RABEP2: variants seen among roughly 807,000 people sequenced by gnomAD.
RABEP2 encodes rab GTPase-binding effector protein 2.
A neutral mutation model predicts 74.1 loss-of-function variants in RABEP2; 57 were observed. The ratio of observed to expected loss-of-function variants is 0.77; its 90% CI spans 0.62 to 0.96. The LOEUF is 0.96. Among genes scored for constraint, RABEP2 ranks in the 40% least tolerant of loss-of-function variants. The pLI is 0.00. For synonymous variants in RABEP2, 351 were observed against 344.0 expected (o/e 1.02, Z -0.23); for missense variants, 692 against 756.3 (o/e 0.91, Z 1.00).
chr16:28,914,439 T>C lies in RABEP2; in HGVS notation c.691A>G (p.Ser231Gly). ...AGGGAGAAGGAGGAGATGGAGGCGC[T>C]GTCATCGCAGTTGTGAGCGAAGGCC... is the stretch of plus-strand genomic sequence containing the variant. Reference protein sequence around the residue: ...AEAFAHNCDDSASISSFSLGG... With the variant: ...AEAFAHNCDDGASISSFSLGG... Residue 231 changes from serine (S) to glycine (G), a missense_variant, in exon 5 of 13, where the codon AGC becomes GGC. Physicochemically the swap from Ser to Gly is moderately conservative, Grantham distance 56. Coordinates refer to ENST00000358201, the MANE Select transcript of RABEP2 (RefSeq NM_024816.3). 2 of 1,613,536 alleles carry C rather than the reference T, an allele frequency of 1.2e-6. No individual in the cohort carries two copies. Among genetic ancestry groups the C allele is most frequent in the East Asian group, 2.2e-5 (1 of 44,880 alleles).
rs1038053695 is a variant in RABEP2 at position 28,911,152 on chromosome 16, T to C, written c.922A>G (p.Ser308Gly). ...AGCTCGTCCCGCTCGCGACTGACGC[T>C]CTCCAGGTCCTTCTGCAGCTGTCGG... ...EGRQLQKDLE[S>G]VSRERDELQE... Residue 308 changes from serine (S) to glycine (G), a missense_variant, in exon 6 of 13, where the codon AGC (serine) becomes GGC (glycine). By Grantham distance (56) the Ser-to-Gly change is moderately conservative. Transcript: ENST00000358201. 2 of 1,611,818 alleles carry C rather than the reference T, an allele frequency of 1.2e-6. No individual in the cohort carries two copies. Among genetic ancestry groups the C allele is most frequent in the African/African-American group, 2.7e-5 (2 of 74,912 alleles).
At position 28,914,360 on chromosome 16, in the gene RABEP2, C is replaced by A. The variant is rs1218267368; in HGVS notation, c.770G>T (p.Ser257Ile). Reference protein sequence around the residue: ...SSLPQSRQGLSPEQEETASLV... With the variant: ...SSLPQSRQGLIPEQEETASLV... ...CGAGGCCGTCTCTTCCTGTTCAGGG[C>A]TCAGGCCCTGGCGGCTTTGGGGCAG... The change falls in exon 5 of 13, where the codon AGC becomes ATC. Residue 257 changes from serine (S) to isoleucine (I), a missense_variant. Ser to Ile is a moderately radical substitution (Grantham distance 142). Coordinates refer to ENST00000358201, the MANE Select transcript of RABEP2 (RefSeq NM_024816.3). The A allele has an allele frequency of 3.7e-6, 6 of 1,613,386 alleles. No individual in the cohort carries two copies. Among genetic ancestry groups the A allele is most frequent in the Non-Finnish European group, 5.1e-6 (6 of 1,180,030 alleles).
chr16:28,925,102 C>T lies in RABEP2; in HGVS notation c.61+1G>A, dbSNP rs1309687900. 4 of 1,541,866 alleles carry T rather than the reference C, an allele frequency of 2.6e-6. No individual in the cohort carries two copies. The highest frequency in any genetic ancestry group is 2.5e-5 in the East Asian group (1 of 40,678). On this transcript the variant is annotated splice_donor_variant, in intron 1 of 12. Coordinates refer to ENST00000358201, the MANE Select transcript of RABEP2 (RefSeq NM_024816.3). LOFTEE classifies it high-confidence loss of function. The stretch of plus-strand genomic sequence containing the variant: ...GCTTGCACGGACGCCCCCTCACGTA[C>T]CAGCCCCCGGCCGCCGCCGCCGCTC...
At chr16:28,917,971 A>C (rs1216101526) in intron 3 of RABEP2, 1 of 151,980 alleles carries the variant, frequency 6.6e-6, no homozygotes, top group Non-Finnish European at 1.5e-5. Flanking sequence ...TATCTATCTC[A>C]CAGGTCTGCT....
Position 28,914,800 on chromosome 16 carries a change from T to G in RABEP2, c.433-18A>C. On this transcript the variant is annotated intron_variant, in intron 3 of 12. Coordinates refer to ENST00000358201, the MANE Select transcript of RABEP2 (RefSeq NM_024816.3). ...TCGTGGGCCTGGAGGGAGCGGGGTG[T>G]GGCAGCAATAGTTCCCCCTCCAAAG... The G allele has an allele frequency of 6.2e-7, 1 of 1,610,128 alleles. No homozygotes were observed. Among genetic ancestry groups the G allele is most frequent in the Non-Finnish European group, 8.5e-7 (1 of 1,176,872 alleles).
intron 3 of RABEP2, among the ~76,000 whole-genome samples, chr16:28,919,218 C>T (rs1467455556): frequency 6.6e-6 from 1 of 152,142 alleles, no homozygotes; most frequent in South Asian, 2.1e-4. Context: ...TGCAGTGGCA[C>T]GATCTTAGCT....
intron 3 of RABEP2, 57 bp from the exon 4 acceptor site, chr16:28,914,839 G>C: frequency 6.7e-7 from 1 of 1,485,272 alleles, no homozygotes; most frequent in East Asian, 2.3e-5. Flanking sequence ...TGAAGCCCCG[G>C]GTCTGTTCAG....
intron 12 of RABEP2, 105 bp downstream of exon 12, chr16:28,905,292 G>C (rs879410390): frequency 1.1e-5 from 9 of 835,314 alleles, no homozygotes; most frequent in Non-Finnish European, 1.4e-5. Flanking sequence ...GCCAGCCCCA[G>C]GAGGAAGAAA....
At chr16:28,920,362 G>GATA (rs1250284986) in intron 2 of RABEP2, among the ~76,000 whole-genome samples, 1 of 139,418 alleles carries the variant, frequency 7.2e-6, no homozygotes, top group African/African-American at 2.7e-5. Flanking sequence ...AATTTTTTTT[G>GATA]GTTATTATTA....
Position 28,913,181 on chromosome 16 carries a change from C to T in RABEP2, c.894+1055G>A, listed in dbSNP as rs528802622. On this transcript the variant is annotated intron_variant, in intron 5 of 12. Transcript: ENST00000358201. Reference sequence around the variant, plus strand: ...TCAACCTCAGGTGATCTGCCCATCTCGGCCTCCCAAAGTGCTGGGATTACA... The same window carrying T: ...TCAACCTCAGGTGATCTGCCCATCTTGGCCTCCCAAAGTGCTGGGATTACA... Among the ~76,000 whole-genome samples, 359 of 152,202 alleles carry T rather than the reference C, an allele frequency of 2.4e-3. 1 individual carries two copies. The highest frequency in any genetic ancestry group is 8.3e-3 in the African/African-American group (344 of 41,544).
intron 3 of RABEP2, 72 bp downstream of exon 3, chr16:28,919,714 G>A: frequency 2.0e-6 from 3 of 1,508,368 alleles, no homozygotes; most frequent in African/African-American, 1.4e-5. Context: ...CCATGACCAG[G>A]GAATGGGACA....
intron 5 of RABEP2, among the ~76,000 whole-genome samples, chr16:28,912,926 G>A (rs962311382): frequency 3.3e-5 from 5 of 151,872 alleles, no homozygotes; most frequent in Non-Finnish European, 7.4e-5. Context: ...CAGGGCCTTC[G>A]AACTCACAGT....
chr16:28,914,099 C>T, intron 5 of RABEP2, 137 bp downstream of exon 5: 1 of 706,476 alleles, frequency 1.4e-6, no homozygotes, highest in South Asian at 2.0e-5. Flanking sequence ...CATCTGCCTG[C>T]CTTCACCAGG....
rs1412700322 is a variant in RABEP2, at chr16:28,925,098, C to A, written c.61+5G>T. 1.3e-6 allele frequency: 2 copies of A among 1,544,012 alleles called. No homozygotes were observed. Among genetic ancestry groups the A allele is most frequent in the Middle Eastern group, 1.7e-4 (1 of 5,986 alleles). On this transcript the variant is annotated splice_donor_5th_base_variant and intron_variant, in intron 1 of 12. Transcript: ENST00000358201. ...CCCCGCTTGCACGGACGCCCCCTCACGTACCAGCCCCCGGCCGCCGCCGCC... is the reference window on the plus strand; with the variant it reads ...CCCCGCTTGCACGGACGCCCCCTCAAGTACCAGCCCCCGGCCGCCGCCGCC...
chr16:28,924,465 G>A lies in RABEP2; in HGVS notation c.212C>T (p.Ala71Val). The A allele has an allele frequency of 5.0e-6, 8 of 1,613,930 alleles. No individual in the cohort carries two copies. Among genetic ancestry groups the A allele is most frequent in the Non-Finnish European group, 6.8e-6 (8 of 1,180,022 alleles). ...GCACTGCCGCTGCACCGCAGCCACAGCCTCGGCCTTCGTGCTCTCGCTCAC... is the reference window on the plus strand; with the variant it reads ...GCACTGCCGCTGCACCGCAGCCACAACCTCGGCCTTCGTGCTCTCGCTCAC... ...AEVSESTKAEAVAAVQRQCQE... is the reference protein window; with the variant it reads ...AEVSESTKAEVVAAVQRQCQE... The change falls in exon 2 of 13, where the codon GCT becomes GTT. Residue 71 changes from alanine (A) to valine (V), a missense_variant. Coordinates refer to ENST00000358201, the MANE Select transcript of RABEP2 (RefSeq NM_024816.3).
chr16:28,922,703 C>T (rs1001668012), intron 2 of RABEP2, among the ~76,000 whole-genome samples: 4 of 150,228 alleles, frequency 2.7e-5, no homozygotes, highest in African/African-American at 9.8e-5. Flanking sequence ...CCAGCCTGGG[C>T]GACAGAGTAA....
At chr16:28,915,542 GTAT>G (rs1184653392) in intron 3 of RABEP2, among the ~76,000 whole-genome samples, 1 of 151,998 alleles carries the variant, frequency 6.6e-6, no homozygotes, top group East Asian at 1.9e-4. Context: ...TATTTTATTT[GTAT>G]TATTATTACA....
At chr16:28,915,874 T>C (rs1964386416) in intron 3 of RABEP2, among the ~76,000 whole-genome samples, 1 of 142,278 alleles carries the variant, frequency 7.0e-6, no homozygotes. Flanking sequence ...AGTTTCATTC[T>C]TGTTGCCCAA....
intron 1 of RABEP2, 165 bp from the exon 2 acceptor site, chr16:28,924,780 C>T: frequency 1.4e-6 from 1 of 736,920 alleles, no homozygotes; most frequent in Admixed American, 2.0e-5. Flanking sequence ...TTCCCACTCG[C>T]TCTGCCGGGT....
Sources: allele counts gnomAD v4.1 joint callset (sites outside exome capture counted in the v4.1 genomes callset), GRCh38; gene constraint gnomAD v4.1.1; transcripts MANE v1.5; gene names NCBI Gene and HGNC (gene_info 2026-07-23, HGNC 2026-07-21).